TENM1: variants seen among roughly 807,000 people sequenced by gnomAD.
The protein encoded by TENM1 is teneurin transmembrane protein 1, also known as teneurin-1.
Under a neutral mutation model 174.8 loss-of-function variants are expected in TENM1, and 35 were observed. The ratio of observed to expected loss-of-function variants is 0.20; its 90% CI spans 0.15 to 0.27. TENM1 has a LOEUF of 0.27. Ranked by LOEUF, TENM1 falls within the 10% of genes least tolerant of loss-of-function variation. TENM1 has a pLI of 1.00. For synonymous variants in TENM1, 781 were observed against 798.7 expected (o/e 0.98, Z 0.37); for missense variants, 1,633 against 2,130.1 (o/e 0.77, Z 4.59).
exon 30 of TENM1, chrX:124,383,676 A>C: frequency 8.3e-7 from 1 of 1,209,305 alleles, no homozygotes; most frequent in African/African-American, 1.7e-5. Context: ...CCAACTGGGT[A>C]GTTATTTTCA....
At chrX:124,558,716 A>G (rs912252194) in intron 14 of TENM1, among the ~76,000 whole-genome samples, 1 of 111,397 alleles carries the variant, frequency 9.0e-6, no homozygotes, top group African/African-American at 3.3e-5. Flanking sequence ...TTCAGAGTTT[A>G]TTCAATCTAT....
intron 3 of TENM1, among the ~76,000 whole-genome samples, chrX:124,863,883 A>AGC (rs1249494154): frequency 8.9e-6 from 1 of 112,653 alleles, no homozygotes; most frequent in East Asian, 2.8e-4. Context: ...CTCCATTCCC[A>AGC]GCTTTATGTG....
At chrX:124,889,760 A>G (rs2057445919) in intron 3 of TENM1, among the ~76,000 whole-genome samples, 1 of 111,797 alleles carries the variant, frequency 8.9e-6, no homozygotes, top group African/African-American at 3.2e-5. Flanking sequence ...TATCCTTTGT[A>G]TTACAACTGA....
the TENM1 span, among the ~76,000 whole-genome samples, chrX:124,976,467 G>A: frequency 8.9e-6 from 1 of 111,938 alleles, no homozygotes; most frequent in South Asian, 3.7e-4. Context: ...GGAAACTCAA[G>A]TAAGACTTTC....
chrX:124,577,658 G>C (rs752718401), intron 11 of TENM1, among the ~76,000 whole-genome samples: 7 of 111,803 alleles, frequency 6.3e-5, no homozygotes, highest in Non-Finnish European at 1.1e-4. Flanking sequence ...TAATAATGGA[G>C]TAAAGTATTT....
intron 23 of TENM1, among the ~76,000 whole-genome samples, chrX:124,431,956 T>A (rs917215170): frequency 8.9e-6 from 1 of 112,007 alleles, no homozygotes. Context: ...ATAGCTAGGA[T>A]CAATCTAATC....
At chrX:124,658,196 A>T (rs1489858217) in intron 6 of TENM1, among the ~76,000 whole-genome samples, 1 of 111,558 alleles carries the variant, frequency 9.0e-6, no homozygotes, top group Non-Finnish European at 1.9e-5. Context: ...AGCTTAATGT[A>T]ATTTTCCTTA....
intron 23 of TENM1, among the ~76,000 whole-genome samples, chrX:124,438,555 G>A (rs1053585173): frequency 1.8e-5 from 2 of 111,629 alleles, no homozygotes; most frequent in African/African-American, 3.3e-5. Flanking sequence ...AAGAGCTAAC[G>A]TGCCATTGTC....
intron 3 of TENM1, among the ~76,000 whole-genome samples, chrX:124,886,891 C>T (rs1419053917): frequency 1.8e-5 from 2 of 109,019 alleles, no homozygotes; most frequent in South Asian, 3.9e-4. Context: ...CCAAGGTCAC[C>T]CATAAATAGA....
intron 11 of TENM1, among the ~76,000 whole-genome samples, chrX:124,566,745 A>G (rs2048950752): frequency 8.9e-6 from 1 of 111,902 alleles, no homozygotes; most frequent in South Asian, 3.7e-4. Flanking sequence ...GTTTTATTAT[A>G]ATCTGGATCA....
chrX:124,585,994 G>T (rs867096681), intron 11 of TENM1, among the ~76,000 whole-genome samples: 1,226 of 108,865 alleles, frequency 0.011, 41 homozygotes, highest in African/African-American at 0.04. Flanking sequence ...CAGGAAGAAG[G>T]TGACTCTCTG....
At chrX:124,674,425 T>C (rs1026051250) in intron 5 of TENM1, among the ~76,000 whole-genome samples, 2 of 110,206 alleles carry the variant, frequency 1.8e-5, no homozygotes, top group Admixed American at 1.9e-4. Flanking sequence ...GTATAGTATT[T>C]GAGTTAGTGA....
At chrX:124,692,155 T>C (rs1462443094) in intron 5 of TENM1, among the ~76,000 whole-genome samples, 1 of 111,735 alleles carries the variant, frequency 8.9e-6, no homozygotes, top group Non-Finnish European at 1.9e-5. Flanking sequence ...TTCTCTAATA[T>C]CAGGGTGTTT....
chrX:125,174,810 G>A, the TENM1 span, among the ~76,000 whole-genome samples: 1 of 111,134 alleles, frequency 9.0e-6, no homozygotes, highest in East Asian at 2.8e-4. Context: ...AAGACTCAAG[G>A]GAATAGTAGC....
intron 3 of TENM1, among the ~76,000 whole-genome samples, chrX:124,852,484 A>T (rs923553857): frequency 9.0e-6 from 1 of 111,110 alleles, no homozygotes; most frequent in Non-Finnish European, 1.9e-5. Flanking sequence ...GGAGAAGAAG[A>T]AGCCTAGAAT....
chrX:124,726,833 C>T (rs1476835529), intron 4 of TENM1, among the ~76,000 whole-genome samples: 1 of 112,309 alleles, frequency 8.9e-6, no homozygotes. Context: ...TTGGTTAATA[C>T]TTAAAGGGTA....
chrX:124,749,955 T>C (rs1451076949), intron 3 of TENM1, among the ~76,000 whole-genome samples: 3 of 111,801 alleles, frequency 2.7e-5, no homozygotes, highest in Non-Finnish European at 3.8e-5. Flanking sequence ...ATGTGACACA[T>C]TCAGTTAATG....
At chrX:125,189,637 C>A in the TENM1 span, among the ~76,000 whole-genome samples, 1 of 111,773 alleles carries the variant, frequency 8.9e-6, no homozygotes, top group Non-Finnish European at 1.9e-5. Context: ...ATTCTACTTC[C>A]TTCAGTTCTC....
chrX:125,029,218 T>C, the TENM1 span, among the ~76,000 whole-genome samples: 1 of 107,335 alleles, frequency 9.3e-6, no homozygotes, highest in African/African-American at 3.8e-5. Context: ...GTCTTACTTA[T>C]ATCCTGATCT....
Sources: allele counts gnomAD v4.1 joint callset (sites outside exome capture counted in the v4.1 genomes callset), GRCh38; gene constraint gnomAD v4.1.1; transcripts MANE v1.5; gene names NCBI Gene and HGNC (gene_info 2026-07-23, HGNC 2026-07-21).